Variants in DGKH observed in about 807,000 individuals in gnomAD.
The protein encoded by DGKH is DAG kinase eta.
In DGKH, 90 loss-of-function variants were observed where a neutral mutation model predicts 159.3. The observed-to-expected ratio is 0.57, with a 90% CI of 0.48 to 0.67. The LOEUF is 0.67. Ranked by LOEUF, DGKH falls within the 30% of genes least tolerant of loss-of-function variation. The probability of loss-of-function intolerance (pLI) is 0.00; values close to 1 mark genes in which losing one functional copy is unlikely to be tolerated. For synonymous variants in DGKH, 536 were observed against 553.8 expected (o/e 0.97, Z 0.45); for missense variants, 1,181 against 1,506.1 (o/e 0.78, Z 3.57).
In DGKH at chr13:42,088,413, T is replaced by C. The variant is rs1183542458; in HGVS notation, c.193-39050T>C. Among the ~76,000 whole-genome samples, 3 of 152,150 alleles carry C rather than the reference T, an allele frequency of 2.0e-5. No homozygotes were observed. The East Asian group carries it at 5.8e-4, about 29-fold the overall frequency. ...TTTCCAAATTAGAGGATAATCAACT[T>C]TTTAAAGTAAAACTAATAATGTTTT... is the stretch of plus-strand genomic sequence containing the variant. On this transcript the variant is annotated intron_variant, in intron 1 of 29. Transcript: ENST00000337343.
At chr13:42,118,082 T>G (rs1488863564) in intron 1 of DGKH, among the ~76,000 whole-genome samples, 2 of 152,098 alleles carry the variant, frequency 1.3e-5, no homozygotes, top group African/African-American at 4.8e-5. Context: ...CCGGGCGTGT[T>G]GGCGGGCGCC....
At chr13:42,072,551 A>G (rs2137696739) in intron 1 of DGKH, among the ~76,000 whole-genome samples, 1 of 152,306 alleles carries the variant, frequency 6.6e-6, no homozygotes, top group South Asian at 2.1e-4. Context: ...AAGAAAAAAA[A>G]TGTTTACCTT....
intron 3 of DGKH, among the ~76,000 whole-genome samples, chr13:42,145,854 C>T (rs1049246136): frequency 6.6e-6 from 1 of 152,104 alleles, no homozygotes; most frequent in Non-Finnish European, 1.5e-5. Flanking sequence ...CCACATAGGC[C>T]TAATATTTCA....
intron 13 of DGKH, among the ~76,000 whole-genome samples, chr13:42,181,050 G>C (rs1019679165): frequency 7.9e-5 from 12 of 151,928 alleles, no homozygotes; most frequent in Non-Finnish European, 1.6e-4. Context: ...GCCGAGGCGG[G>C]CGGATCACGA....
chr13:42,069,511 T>C, intron 1 of DGKH: 1 of 1,587,694 alleles, frequency 6.3e-7, no homozygotes, highest in South Asian at 1.1e-5. Flanking sequence ...AATAAAGGAA[T>C]GAAAATCAAA....
At chr13:42,137,152 G>A (rs1013825665) in intron 3 of DGKH, among the ~76,000 whole-genome samples, 19 of 152,034 alleles carry the variant, frequency 1.2e-4, no homozygotes, top group African/African-American at 4.3e-4. Context: ...CACATCCTTT[G>A]AACTTAAAAA....
intron 3 of DGKH, among the ~76,000 whole-genome samples, chr13:42,153,448 G>T (rs970899509): frequency 1.3e-5 from 2 of 152,154 alleles, no homozygotes; most frequent in Admixed American, 6.5e-5. Flanking sequence ...CTTGTCTCAT[G>T]ATACTTTATC....
chr13:42,213,356 G>T (rs1566199872), intron 24 of DGKH, among the ~76,000 whole-genome samples: 1 of 152,174 alleles, frequency 6.6e-6, no homozygotes, highest in South Asian at 2.1e-4. Context: ...TCAGGAAGAG[G>T]AGTAGGTATT....
Position 42,236,327 on chromosome 13 carries a change from T to A in DGKH, c.*7139T>A, listed in dbSNP as rs551331997. 1 of 152,236 alleles carries A rather than the reference T, an allele frequency of 6.6e-6. No homozygotes were observed. The highest frequency in any genetic ancestry group is 1.5e-5 in the Non-Finnish European group (1 of 68,030). 9.4% of individuals were successfully genotyped at this position (152,236 alleles called of 1,614,324 possible). A position where few individuals can be genotyped will look rare whatever the true frequency, so the allele number is the denominator to read the frequency against. On this transcript the variant is annotated 3_prime_UTR_variant, in exon 30 of 30. Transcript: ENST00000337343. Reference sequence around the variant, plus strand: ...GAAGTACTCATTTCTGTCAAACAGATGCCCAACTATTTTCCTTTTAAAAAA... The same window carrying A: ...GAAGTACTCATTTCTGTCAAACAGAAGCCCAACTATTTTCCTTTTAAAAAA...
At chr13:42,082,182 G>T (rs534428264) in intron 1 of DGKH, among the ~76,000 whole-genome samples, 1 of 151,778 alleles carries the variant, frequency 6.6e-6, no homozygotes, top group Non-Finnish European at 1.5e-5. Flanking sequence ...ACTGGCTCAT[G>T]AGGAGACCTG....
At chr13:42,103,288 G>T (rs755652872) in intron 1 of DGKH, among the ~76,000 whole-genome samples, 3 of 152,216 alleles carry the variant, frequency 2.0e-5, no homozygotes, top group Non-Finnish European at 4.4e-5. Context: ...TAGGGTGGTA[G>T]TAATTAAACA....
At position 42,184,207 on chromosome 13, in the gene DGKH, T is replaced by A. The variant is rs138127690; in HGVS notation, c.1539-2842T>A. Among the ~76,000 whole-genome samples the A allele has an allele frequency of 5.4e-4, 82 of 152,334 alleles. 1 individual carries two copies. The East Asian group carries it at 0.015, about 28-fold the overall frequency. ...CTTCTAAATCATCTTCAGTTTCAAA[T>A]TGGAACTTTTTATTAGATGAAAAAT... is the stretch of plus-strand genomic sequence containing the variant. On this transcript the variant is annotated intron_variant, in intron 13 of 29. Coordinates refer to ENST00000337343, the MANE Select transcript of DGKH (RefSeq NM_178009.5).
chr13:42,176,586 C>CATA (rs373614680), intron 12 of DGKH, among the ~76,000 whole-genome samples: 33,281 of 152,004 alleles, frequency 0.22, 4,329 homozygotes, highest in Admixed American at 0.29. Context: ...AGTAACATAA[C>CATA]CACTTGTGGA....
intron 1 of DGKH, among the ~76,000 whole-genome samples, chr13:42,097,568 G>C (rs1327924210): frequency 6.6e-6 from 1 of 152,176 alleles, no homozygotes; most frequent in African/African-American, 2.4e-5. Context: ...CGGCAACTGG[G>C]AGCCCAATAA....
rs1446839003 is a variant in DGKH at position 42,199,689 on chromosome 13, A to G, written c.2396+13A>G. The G allele has an allele frequency of 6.3e-7, 1 of 1,578,878 alleles. No homozygotes were observed. The highest frequency in any genetic ancestry group is 2.3e-5 in the East Asian group (1 of 44,350). On this transcript the variant is annotated intron_variant, in intron 19 of 29. Coordinates refer to ENST00000337343, the MANE Select transcript of DGKH (RefSeq NM_178009.5). ...CTGAAAAATGCAGGTAATTTTAGTA[A>G]AAGTAATAATGCTATTACATAAAGG...
At chr13:42,247,379 C>A (rs185635564), downstream of DGKH, among the ~76,000 whole-genome samples, 1 of 151,770 alleles carries the variant, frequency 6.6e-6, no homozygotes, top group Non-Finnish European at 1.5e-5. Context: ...TACCAGTGTG[C>A]GCCACCATGC....
intron 26 of DGKH, among the ~76,000 whole-genome samples, 162 bp from the exon 27 acceptor site, chr13:42,219,068 T>C (rs1426675070): frequency 6.6e-6 from 1 of 152,206 alleles, no homozygotes; most frequent in East Asian, 1.9e-4. Flanking sequence ...AAAAATGAAA[T>C]CAATATAAAA....
At chr13:42,101,671 A>G (rs1394015358) in intron 1 of DGKH, among the ~76,000 whole-genome samples, 1 of 152,076 alleles carries the variant, frequency 6.6e-6, no homozygotes, top group Admixed American at 6.6e-5. Context: ...AAAGAAATGG[A>G]GGTGAGGAGT....
At chr13:42,074,160 A>G (rs7320455) in intron 1 of DGKH, among the ~76,000 whole-genome samples, 2,301 of 152,362 alleles carry the variant, frequency 0.015, 62 homozygotes, top group African/African-American at 0.05. Flanking sequence ...GGAAAACTCA[A>G]TAATAGTTGA....
Sources: gnomAD v4.1 joint callset for allele counts (sites outside exome capture counted in the v4.1 genomes callset) on GRCh38, gnomAD v4.1.1 for gene constraint, MANE v1.5 for transcripts, NCBI Gene and HGNC (gene_info 2026-07-23, HGNC 2026-07-21) for gene names.